GPHN: variants seen among roughly 807,000 people sequenced by gnomAD.
GPHN encodes the protein gephyrin.
In GPHN, 17 loss-of-function variants were observed where a neutral mutation model predicts 95.5. The ratio of observed to expected loss-of-function variants is 0.18; its 90% CI spans 0.12 to 0.27. The LOEUF is 0.27. Among genes scored for constraint, GPHN ranks in the 10% least tolerant of loss-of-function variants. The pLI is 1.00. For missense variants in GPHN, 660 were observed against 978.1 expected (o/e 0.67, Z 4.34); for synonymous variants, 320 against 322.5 (o/e 0.99, Z 0.08).
intron 2 of GPHN, among the ~76,000 whole-genome samples, chr14:66,726,826 A>T (rs2071285243): frequency 6.6e-6 from 1 of 152,196 alleles, no homozygotes; most frequent in Non-Finnish European, 1.5e-5. Flanking sequence ...ACCTGACCTC[A>T]TGCAGTGAAT....
At chr14:66,515,612 A>G (rs1301461440) in intron 1 of GPHN, among the ~76,000 whole-genome samples, 4 of 152,256 alleles carry the variant, frequency 2.6e-5, no homozygotes, top group African/African-American at 9.6e-5. Flanking sequence ...CTGGTGATCA[A>G]AATAACACTG....
At chr14:67,339,374 A>T in the GPHN span, among the ~76,000 whole-genome samples, 1 of 152,040 alleles carries the variant, frequency 6.6e-6, no homozygotes, top group Non-Finnish European at 1.5e-5. Context: ...ATTTTTTTAA[A>T]ATTTTGGCTC....
intron 5 of GPHN, among the ~76,000 whole-genome samples, chr14:66,915,403 A>G (rs1011042969): frequency 2.0e-5 from 3 of 152,008 alleles, no homozygotes; most frequent in African/African-American, 7.2e-5. Flanking sequence ...CCATTTTTTT[A>G]TGTTTCTTAA....
chr14:67,517,265 G>A, the GPHN span, among the ~76,000 whole-genome samples: 1 of 152,208 alleles, frequency 6.6e-6, no homozygotes, highest in Non-Finnish European at 1.5e-5. Context: ...GCTGTGGCCG[G>A]CGGCTGGCAG....
chr14:66,649,892 G>T (rs1463785560), intron 1 of GPHN, among the ~76,000 whole-genome samples: 3 of 152,116 alleles, frequency 2.0e-5, no homozygotes, highest in African/African-American at 7.2e-5. Context: ...TTTAATTCAT[G>T]AGTGGCCTGC....
At chr14:67,691,322 C>A in the GPHN span, 11 of 914,682 alleles carry the variant, frequency 1.2e-5, no homozygotes, top group Admixed American at 2.1e-4. Flanking sequence ...CACGCTCAGG[C>A]TTTGAAAATG....
At chr14:67,711,386 A>T in the GPHN span, among the ~76,000 whole-genome samples, 4 of 152,186 alleles carry the variant, frequency 2.6e-5, no homozygotes, top group African/African-American at 9.7e-5. Context: ...TTCTTAAGAC[A>T]TTTCTAATAT....
At chr14:67,731,804 T>C in the GPHN span, among the ~76,000 whole-genome samples, 1 of 152,050 alleles carries the variant, frequency 6.6e-6, no homozygotes, top group Non-Finnish European at 1.5e-5. Flanking sequence ...GGATGATTTT[T>C]ATCTTTTTAT....
At chr14:67,415,168 A>AT in the GPHN span, among the ~76,000 whole-genome samples, 2 of 152,244 alleles carry the variant, frequency 1.3e-5, no homozygotes, top group African/African-American at 2.4e-5. Context: ...ACCAAAAGGG[A>AT]TAAAACCACC....
chr14:66,886,388 C>T (rs1288840481), intron 5 of GPHN, among the ~76,000 whole-genome samples: 5 of 152,042 alleles, frequency 3.3e-5, no homozygotes, highest in Non-Finnish European at 5.9e-5. Flanking sequence ...TACTTTTCCC[C>T]CATGAGTGTG....
intron 10 of GPHN, among the ~76,000 whole-genome samples, chr14:67,026,632 T>G (rs2073937929): frequency 6.6e-6 from 1 of 152,160 alleles, no homozygotes; most frequent in African/African-American, 2.4e-5. Context: ...AGCCCACATT[T>G]TTTTTTGTTT....
chr14:66,827,649 C>A (rs1255761058), intron 4 of GPHN, among the ~76,000 whole-genome samples: 1 of 151,806 alleles, frequency 6.6e-6, no homozygotes, highest in Non-Finnish European at 1.5e-5. Flanking sequence ...GATAGTTTTT[C>A]TTTTTTGCAT....
chr14:67,412,000 A>G, the GPHN span: 454,932 of 1,538,304 alleles, frequency 0.3, 71,844 homozygotes, highest in Non-Finnish European at 0.33. Flanking sequence ...AATGTCCCGA[A>G]GCTCGACGCG....
At chr14:67,392,847 A>G in the GPHN span, 5 of 1,608,446 alleles carry the variant, frequency 3.1e-6, no homozygotes, top group Non-Finnish European at 4.3e-6. Flanking sequence ...ACCAGGGAGG[A>G]GCCTGGCCAA....
intron 4 of GPHN, among the ~76,000 whole-genome samples, chr14:66,868,103 T>A (rs1184439267): frequency 6.6e-6 from 1 of 152,136 alleles, no homozygotes; most frequent in Non-Finnish European, 1.5e-5. Context: ...TTTGATAACT[T>A]AACAAAGTTA....
At chr14:67,092,236 C>A (rs2077178579) in intron 12 of GPHN, among the ~76,000 whole-genome samples, 2 of 152,042 alleles carry the variant, frequency 1.3e-5, no homozygotes, top group Non-Finnish European at 2.9e-5. Flanking sequence ...ATTTTCATTT[C>A]TTTAAAGGTA....
At chr14:67,151,294 C>G (rs1158950105) in intron 18 of GPHN, among the ~76,000 whole-genome samples, 1 of 152,206 alleles carries the variant, frequency 6.6e-6, no homozygotes, top group Non-Finnish European at 1.5e-5. Flanking sequence ...GAGCTATTTT[C>G]TTTCCTAGAG....
chr14:66,857,886 A>G (rs977708699), intron 4 of GPHN, among the ~76,000 whole-genome samples: 3 of 152,166 alleles, frequency 2.0e-5, no homozygotes, highest in Admixed American at 6.5e-5. Context: ...TGTGAGACGT[A>G]GCATTGGACA....
At chr14:66,523,072 A>G (rs1003323580) in intron 1 of GPHN, among the ~76,000 whole-genome samples, 27 of 152,114 alleles carry the variant, frequency 1.8e-4, no homozygotes, top group Admixed American at 6.6e-5. Flanking sequence ...TTACCATTCC[A>G]TCATTGCTGA....
Sources: allele counts gnomAD v4.1 joint callset (sites outside exome capture counted in the v4.1 genomes callset), GRCh38; gene constraint gnomAD v4.1.1; transcripts MANE v1.5; gene names NCBI Gene and HGNC (gene_info 2026-07-23, HGNC 2026-07-21).